Variants in CBLB observed in about 807,000 individuals in gnomAD.
The protein encoded by CBLB is E3 ubiquitin-protein ligase CBL-B.
In CBLB, 31 loss-of-function variants were observed where a neutral mutation model predicts 104.9. That is an observed-to-expected ratio of 0.30 (90% CI 0.22 to 0.40). The LOEUF (loss-of-function observed/expected upper bound fraction) is 0.40. Among genes scored for constraint, CBLB ranks in the 10% least tolerant of loss-of-function variants. CBLB has a pLI of 1.00. For missense variants in CBLB, 1,062 were observed against 1,214.6 expected (o/e 0.87, Z 1.87); for synonymous variants, 440 against 422.6 (o/e 1.04, Z -0.51).
intron 10 of CBLB, among the ~76,000 whole-genome samples, chr3:105,712,136 A>T (rs1431228450): frequency 1.3e-5 from 2 of 152,168 alleles, no homozygotes; most frequent in African/African-American, 4.8e-5. Flanking sequence ...TATGAGAGGG[A>T]CTTGATCTCC....
At chr3:105,819,838 C>T (rs1219696319) in intron 3 of CBLB, among the ~76,000 whole-genome samples, 1 of 152,042 alleles carries the variant, frequency 6.6e-6, no homozygotes, top group Non-Finnish European at 1.5e-5. Context: ...TGTGAAATCC[C>T]ACTTACCCTA....
rs910933894 is a variant in CBLB at position 105,656,721 on chromosome 3, T to C, written c.*2249A>G. ...ATATTGTTTATAAACTGAATGAGAATGTGCTATGTTCTCTAACATTCTTAT... is the reference window on the plus strand; with the variant it reads ...ATATTGTTTATAAACTGAATGAGAACGTGCTATGTTCTCTAACATTCTTAT... On this transcript the variant is annotated 3_prime_UTR_variant, in exon 19 of 19. Transcript: ENST00000394030. 1 of 188,316 alleles carries C rather than the reference T, an allele frequency of 5.3e-6. No homozygotes were observed. Among genetic ancestry groups the C allele is most frequent in the African/African-American group, 2.4e-5 (1 of 42,430 alleles). The allele number at this position is 188,316 out of a possible 1,614,324, so 11.7% of individuals were successfully genotyped here.
At chr3:105,698,290 G>C (rs1384433613) in intron 12 of CBLB, among the ~76,000 whole-genome samples, 1 of 151,896 alleles carries the variant, frequency 6.6e-6, no homozygotes, top group Non-Finnish European at 1.5e-5. Flanking sequence ...AGTAATTAGA[G>C]CTTAATTTAT....
intron 3 of CBLB, among the ~76,000 whole-genome samples, chr3:105,779,893 G>A (rs1560205645): frequency 6.6e-6 from 1 of 150,862 alleles, no homozygotes; most frequent in Non-Finnish European, 1.5e-5. Context: ...TGCTCTTGTT[G>A]CCCAGAATGG....
chr3:105,706,288 A>G (rs2152795722), intron 10 of CBLB, among the ~76,000 whole-genome samples: 1 of 152,352 alleles, frequency 6.6e-6, no homozygotes, highest in East Asian at 1.9e-4. Context: ...AAAATTCAAC[A>G]TAATTTTACA....
intron 3 of CBLB, among the ~76,000 whole-genome samples, chr3:105,780,552 G>A (rs2152973522): frequency 6.6e-6 from 1 of 151,776 alleles, no homozygotes; most frequent in East Asian, 1.9e-4. Flanking sequence ...ACTTATAAGA[G>A]AAGCTACTTA....
At chr3:105,771,153 ACTAG>A (rs1237364663) in intron 4 of CBLB, among the ~76,000 whole-genome samples, 3 of 152,194 alleles carry the variant, frequency 2.0e-5, no homozygotes, top group African/African-American at 4.8e-5. Context: ...TCAACAAAAT[ACTAG>A]CTAACTAATC....
chr3:105,744,616 A>G (rs2075925136), intron 6 of CBLB, among the ~76,000 whole-genome samples: 1 of 152,052 alleles, frequency 6.6e-6, no homozygotes, highest in African/African-American at 2.4e-5. Flanking sequence ...AAAAATCAGC[A>G]CTATTGGCTT....
intron 3 of CBLB, chr3:105,824,265 C>T (rs958347779): frequency 2.0e-5 from 3 of 152,242 alleles, no homozygotes; most frequent in Non-Finnish European, 4.4e-5. Context: ...CAAGTCACTA[C>T]AGTCTGTCTT....
At chr3:105,718,147 A>C (rs989500743) in intron 10 of CBLB, among the ~76,000 whole-genome samples, 3 of 152,204 alleles carry the variant, frequency 2.0e-5, no homozygotes, top group Non-Finnish European at 4.4e-5. Context: ...TTCATCCTTC[A>C]GGATTTCTGA....
intron 10 of CBLB, among the ~76,000 whole-genome samples, chr3:105,706,100 C>A (rs981119306): frequency 1.3e-5 from 2 of 151,980 alleles, no homozygotes; most frequent in Admixed American, 6.6e-5. Flanking sequence ...TATAATCGTA[C>A]CACTGCACTC....
At chr3:105,776,005 T>C (rs1370371706) in intron 4 of CBLB, among the ~76,000 whole-genome samples, 1 of 152,290 alleles carries the variant, frequency 6.6e-6, no homozygotes, top group Non-Finnish European at 1.5e-5. Flanking sequence ...CCCTTCTAAA[T>C]TGTCACAGCA....
chr3:105,702,413 G>A lies in CBLB; in HGVS notation c.1640C>T (p.Pro547Leu), dbSNP rs1236080996. Residue 547 changes from proline to leucine, a missense_variant, in exon 12 of 19, where the codon CCA becomes CTA. By Grantham distance (98) the Pro-to-Leu change is moderately conservative. Around this residue, in one of 2 missense-constraint regions of CBLB, gnomAD observed 605 missense variants for 582.6 expected, o/e 1.04. Transcript: ENST00000394030. ...VRKQDKPLPA[P>L]PPPLRDPPPP... The stretch of plus-strand genomic sequence containing the variant: ...AGGAGGATCTCTTAAGGGAGGAGGT[G>A]GTGCTGGGAGTGGTTTATCTTGTTT... The A allele has an allele frequency of 6.3e-7, 1 of 1,586,036 alleles. No individual in the cohort carries two copies.
intron 3 of CBLB, among the ~76,000 whole-genome samples, chr3:105,795,808 A>T (rs1477680024): frequency 6.6e-6 from 1 of 152,116 alleles, no homozygotes. Flanking sequence ...CAGTGGCGCC[A>T]TCTCGGCTCA....
chr3:105,786,064 G>GGGGC (rs1553794704), intron 3 of CBLB, among the ~76,000 whole-genome samples: 24 of 139,154 alleles, frequency 1.7e-4, no homozygotes, highest in African/African-American at 2.5e-4. Context: ...AGAGGATCGG[G>GGGGC]GGGGGGAAAG....
chr3:105,773,835 T>A (rs758441928), intron 4 of CBLB, among the ~76,000 whole-genome samples: 2 of 152,198 alleles, frequency 1.3e-5, no homozygotes, highest in African/African-American at 2.4e-5. Flanking sequence ...TTCATTTGCA[T>A]AAAAATTGAC....
Position 105,702,122 on chromosome 3 carries a change from C to A in CBLB, c.1931G>T (p.Arg644Leu). The A allele has an allele frequency of 1.2e-6, 2 of 1,614,116 alleles. No homozygotes were observed. Among genetic ancestry groups the A allele is most frequent in the East Asian group, 4.5e-5 (2 of 44,870 alleles). ...SDPVLMRKHR[R>L]HDLPLEGAKV... ...AGCTCCTTCTAAAGGCAAATCATGG[C>A]GTCTGTGTTTCCGCATAAGCACTGG... is the stretch of plus-strand genomic sequence containing the variant. The change falls in exon 12 of 19, where the codon CGC (arginine) becomes CTC (leucine). Residue 644 changes from arginine (R) to leucine (L), a missense_variant. Arg to Leu is a moderately radical substitution (Grantham distance 102, BLOSUM62 -2). Coordinates refer to ENST00000394030, the MANE Select transcript of CBLB (RefSeq NM_170662.5).
chr3:105,718,598 T>C (rs2072272353), intron 10 of CBLB, among the ~76,000 whole-genome samples: 1 of 152,180 alleles, frequency 6.6e-6, no homozygotes, highest in Admixed American at 6.5e-5. Flanking sequence ...CATTACACAT[T>C]ATCATCACTC....
intron 10 of CBLB, 132 bp downstream of exon 10, chr3:105,719,915 A>T (rs963726708): frequency 1.4e-6 from 1 of 735,638 alleles, no homozygotes; most frequent in Non-Finnish European, 2.4e-6. Flanking sequence ...GACCCTGTAC[A>T]GGCCTAGGCT....
Sources: allele counts gnomAD v4.1 joint callset (sites outside exome capture counted in the v4.1 genomes callset), GRCh38; gene constraint gnomAD v4.1.1; regional missense constraint gnomAD v4.1.1; transcripts MANE v1.5; gene names NCBI Gene and HGNC (gene_info 2026-07-23, HGNC 2026-07-21).